Variants in ZNRF2 observed in about 807,000 individuals in gnomAD.
ZNRF2 encodes E3 ubiquitin-protein ligase ZNRF2.
A neutral mutation model predicts 20.4 loss-of-function variants in ZNRF2; 16 were observed. The observed-to-expected ratio is 0.79, with a 90% confidence interval of 0.53 to 1.19. The LOEUF is 1.19. Ranked by LOEUF, ZNRF2 falls within the 50% of genes most tolerant of loss-of-function variation. ZNRF2 has a pLI of 0.00. For missense variants in ZNRF2, 363 were observed against 332.4 expected (o/e 1.09, Z -0.72); for synonymous variants, 178 against 144.9 (o/e 1.23, Z -1.64).
intron 1 of ZNRF2, among the ~76,000 whole-genome samples, chr7:30,290,049 G>A (rs1268960175): frequency 1.3e-5 from 2 of 152,162 alleles, no homozygotes; most frequent in Non-Finnish European, 2.9e-5. Context: ...GTAGTATTAT[G>A]TATAATTGGG....
At chr7:30,308,276 A>G (rs1365588399) in intron 1 of ZNRF2, among the ~76,000 whole-genome samples, 4 of 152,112 alleles carry the variant, frequency 2.6e-5, no homozygotes, top group Non-Finnish European at 5.9e-5. Context: ...ATCATTTTTC[A>G]TTCTGTAAAT....
intron 4 of ZNRF2, among the ~76,000 whole-genome samples, chr7:30,363,138 A>G (rs950787565): frequency 4.8e-4 from 73 of 151,962 alleles, no homozygotes; most frequent in African/African-American, 1.7e-3. Context: ...ACAAAAAACA[A>G]AAGAGAATCA....
chr7:30,300,340 G>T (rs561701781), intron 1 of ZNRF2, among the ~76,000 whole-genome samples: 3 of 151,230 alleles, frequency 2.0e-5, no homozygotes, highest in African/African-American at 7.3e-5. Flanking sequence ...GTAGAGACAG[G>T]GTTTCACCAT....
chr7:30,290,715 A>C (rs1445065632), intron 1 of ZNRF2, among the ~76,000 whole-genome samples: 1 of 152,280 alleles, frequency 6.6e-6, no homozygotes, highest in Admixed American at 6.5e-5. Flanking sequence ...GTAGGAATCA[A>C]GAATAGTCAC....
intron 3 of ZNRF2, among the ~76,000 whole-genome samples, chr7:30,362,089 T>C (rs1200219038): frequency 6.6e-6 from 1 of 152,212 alleles, no homozygotes; most frequent in African/African-American, 2.4e-5. Context: ...AATTTGTTAT[T>C]CAGTTTTGAA....
rs981491034 is a variant in ZNRF2, at chr7:30,322,257, G to C, written c.470-1385G>C. Among the ~76,000 whole-genome samples, 7 of 152,090 alleles carry C rather than the reference G, an allele frequency of 4.6e-5. No individual in the cohort carries two copies. In the South Asian group the frequency reaches 1.4e-3, roughly 31 times the overall value. On this transcript the variant is annotated intron_variant, in intron 1 of 4. Transcript: ENST00000323037. ...AATCATATATTTCATTTAGGAAATTGAATACCTGGAGGATTAGCTGTGCCA... is the reference window on the plus strand; with the variant it reads ...AATCATATATTTCATTTAGGAAATTCAATACCTGGAGGATTAGCTGTGCCA...
chr7:30,346,146 G>GT (rs1008701795), intron 2 of ZNRF2, among the ~76,000 whole-genome samples: 2,098 of 38,120 alleles, frequency 0.055, 58 homozygotes, highest in African/African-American at 0.11. Flanking sequence ...TAATTTCAGT[G>GT]TTTTTTTTTT....
chr7:30,339,306 C>T (rs987681981), intron 2 of ZNRF2, among the ~76,000 whole-genome samples: 2 of 151,958 alleles, frequency 1.3e-5, no homozygotes, highest in African/African-American at 2.4e-5. Context: ...CTTTTGTTGC[C>T]GTTGCTTTTG....
chr7:30,310,591 G>A (rs1286340776), intron 1 of ZNRF2, among the ~76,000 whole-genome samples: 4 of 152,104 alleles, frequency 2.6e-5, no homozygotes. Flanking sequence ...ACATGCCATA[G>A]CATTTTCTTT....
chr7:30,291,499 A>G (rs560316800), intron 1 of ZNRF2, among the ~76,000 whole-genome samples: 2 of 152,262 alleles, frequency 1.3e-5, no homozygotes, highest in South Asian at 4.1e-4. Flanking sequence ...GAAGATGCCT[A>G]TGTTGAAAAC....
chr7:30,346,957 CTT>C (rs753796296), intron 2 of ZNRF2, among the ~76,000 whole-genome samples: 1 of 152,026 alleles, frequency 6.6e-6, no homozygotes, highest in Non-Finnish European at 1.5e-5. Flanking sequence ...TTTTCAGTGA[CTT>C]TTTCACTGCC....
Position 30,284,972 on chromosome 7 carries a change from C to G in ZNRF2, c.-386C>G. 1 of 322,146 alleles carries G rather than the reference C, an allele frequency of 3.1e-6. No homozygotes were observed. Among genetic ancestry groups the G allele is most frequent in the Non-Finnish European group, 6.2e-6 (1 of 161,960 alleles). 20.0% of individuals were successfully genotyped at this position (322,146 alleles called of 1,614,324 possible). On this transcript the variant is annotated 5_prime_UTR_variant, in exon 1 of 5. Coordinates refer to ENST00000323037, the MANE Select transcript of ZNRF2 (RefSeq NM_147128.4). ...GCGGCCGCCCGAGAGGAGGCGGTGC[C>G]GAGATCGGGGGCGCCGAGCGCGGCA...
intron 1 of ZNRF2, chr7:30,288,999 A>T (rs1403776813): frequency 1.3e-5 from 2 of 152,238 alleles, no homozygotes; most frequent in Non-Finnish European, 2.9e-5. Flanking sequence ...GATGGGGTAG[A>T]TGAATTGGGC....
chr7:30,292,605 A>G (rs981300912), intron 1 of ZNRF2, among the ~76,000 whole-genome samples: 9 of 152,104 alleles, frequency 5.9e-5, no homozygotes, highest in African/African-American at 1.9e-4. Flanking sequence ...AGGCCTATCT[A>G]TAGTTGCTAT....
chr7:30,363,790 A>G (rs1800166312), intron 4 of ZNRF2, among the ~76,000 whole-genome samples: 1 of 152,142 alleles, frequency 6.6e-6, no homozygotes, highest in African/African-American at 2.4e-5. Flanking sequence ...AGTGCATTAA[A>G]TTGACATCAT....
At chr7:30,324,987 G>A (rs572301218) in intron 2 of ZNRF2, among the ~76,000 whole-genome samples, 133 of 152,254 alleles carry the variant, frequency 8.7e-4, no homozygotes, top group Non-Finnish European at 1.6e-3. Flanking sequence ...TACAAATTTA[G>A]TCTGTGAGCT....
At chr7:30,334,835 C>A (rs1799692245) in intron 2 of ZNRF2, among the ~76,000 whole-genome samples, 1 of 152,232 alleles carries the variant, frequency 6.6e-6, no homozygotes, top group East Asian at 1.9e-4. Context: ...GCCTACACAG[C>A]TGACATACAA....
At chr7:30,307,811 AG>A (rs1434685118) in intron 1 of ZNRF2, among the ~76,000 whole-genome samples, 1 of 152,232 alleles carries the variant, frequency 6.6e-6, no homozygotes, top group African/African-American at 2.4e-5. Context: ...ACTGATTAAA[AG>A]AATGAGGCCA....
chr7:30,288,077 T>C (rs192726607), intron 1 of ZNRF2, among the ~76,000 whole-genome samples: 18 of 152,312 alleles, frequency 1.2e-4, no homozygotes, highest in Admixed American at 7.2e-4. Flanking sequence ...ACCTATATTT[T>C]AGTGGACGGG....
Sources: allele counts gnomAD v4.1 joint callset (sites outside exome capture counted in the v4.1 genomes callset), GRCh38; gene constraint gnomAD v4.1.1; transcripts MANE v1.5; gene names NCBI Gene and HGNC (gene_info 2026-07-23, HGNC 2026-07-21).